The following TXNDC11 variants were observed in gnomAD, a reference collection of about 807,000 sequenced individuals.
The protein encoded by TXNDC11 is thioredoxin domain containing 11, also known as thioredoxin domain-containing protein 11.
TXNDC11 carries 68 observed loss-of-function variants against 78.0 expected under a neutral mutation model. That is an observed-to-expected ratio of 0.87 (90% CI 0.72 to 1.07). The LOEUF (loss-of-function observed/expected upper bound fraction) is 1.07. Among genes scored for constraint, TXNDC11 ranks in the 50% least tolerant of loss-of-function variants. The pLI is 0.00. For missense variants in TXNDC11, 1,389 were observed against 1,221.8 expected, an observed-to-expected ratio of 1.14 and a Z score of -2.04; for synonymous variants, 571 against 495.2, an observed-to-expected ratio of 1.15 and a Z score of -2.03.
At chr16:11,732,591 G>C (rs901099246) in intron 3 of TXNDC11, among the ~76,000 whole-genome samples, 2 of 152,158 alleles carry the variant, frequency 1.3e-5, no homozygotes. Flanking sequence ...TCTGAAAATG[G>C]TCTTAGTGGT....
chr16:11,683,768 T>C (rs948043925), intron 11 of TXNDC11, among the ~76,000 whole-genome samples: 16 of 151,166 alleles, frequency 1.1e-4, no homozygotes, highest in Non-Finnish European at 1.8e-4. Context: ...TTTTTTTTTT[T>C]TGAGGCAGAG....
chr16:11,712,922 C>T (rs9929276), intron 5 of TXNDC11, among the ~76,000 whole-genome samples: 70,512 of 147,400 alleles, frequency 0.48, 16,904 homozygotes, highest in Middle Eastern at 0.58. Flanking sequence ...ACCCCATTTC[C>T]ACTTAAAACA....
At chr16:11,732,344 A>AC (rs997395145) in intron 3 of TXNDC11, among the ~76,000 whole-genome samples, 25 of 152,018 alleles carry the variant, frequency 1.6e-4, no homozygotes, top group Admixed American at 5.2e-4. Context: ...AAAGGACTAC[A>AC]CCCCCCCACT....
At chr16:11,687,653 A>G (rs2050600481) in intron 10 of TXNDC11, among the ~76,000 whole-genome samples, 1 of 152,180 alleles carries the variant, frequency 6.6e-6, no homozygotes, top group African/African-American at 2.4e-5. Context: ...CATCAACATC[A>G]TGGAAGGAAC....
intron 4 of TXNDC11, among the ~76,000 whole-genome samples, chr16:11,729,317 G>T (rs1302086898): frequency 6.6e-6 from 1 of 152,182 alleles, no homozygotes; most frequent in Non-Finnish European, 1.5e-5. Flanking sequence ...CAGGGAAAAT[G>T]AGAGGCAGGC....
At chr16:11,714,730 A>C (rs556463451) in intron 5 of TXNDC11, among the ~76,000 whole-genome samples, 24 of 152,162 alleles carry the variant, frequency 1.6e-4, no homozygotes, top group Non-Finnish European at 2.5e-4. Flanking sequence ...GTACCGACTC[A>C]GTTCTACAAG....
At chr16:11,685,911 C>T (rs529622542) in intron 10 of TXNDC11, among the ~76,000 whole-genome samples, 8 of 152,222 alleles carry the variant, frequency 5.3e-5, no homozygotes, top group African/African-American at 1.4e-4. Context: ...TTCCATTGGG[C>T]TAAATAAGGC....
chr16:11,706,469 G>A (rs1231733612), intron 5 of TXNDC11, among the ~76,000 whole-genome samples: 1 of 152,206 alleles, frequency 6.6e-6, no homozygotes, highest in Non-Finnish European at 1.5e-5. Context: ...CATGGGCTGG[G>A]GAACCAGCAC....
rs529788632 is a variant in TXNDC11, at chr16:11,742,419, C to G, written c.254+58G>C. On this transcript the variant is annotated intron_variant, in intron 1 of 11. Coordinates refer to ENST00000283033, the MANE Select transcript of TXNDC11 (RefSeq NM_015914.7). ...CCGCTGCGACCCGGCCCTGCAGGCTCCAGGCGGCAGAGCAAGGGGAGCGCC... is the reference window on the plus strand; with the variant it reads ...CCGCTGCGACCCGGCCCTGCAGGCTGCAGGCGGCAGAGCAAGGGGAGCGCC... 62 of 1,308,062 alleles carry G rather than the reference C, an allele frequency of 4.7e-5. 1 individual carries two copies. The African/African-American group carries it at 9.5e-4, about 20-fold the overall frequency. 81.0% of individuals were successfully genotyped at this position (1,308,062 alleles called of 1,614,324 possible). A position where few individuals can be genotyped will look rare whatever the true frequency, so the allele number is the denominator to read the frequency against.
At chr16:11,700,379 C>G (rs76876224) in intron 6 of TXNDC11, 73 bp downstream of exon 6, 9,786 of 681,564 alleles carry the variant, frequency 0.014, 98 homozygotes, top group Non-Finnish European at 0.02. Context: ...TTAACCAATT[C>G]TCAAAGGAGT....
chr16:11,732,773 C>T (rs1187751139), intron 3 of TXNDC11, among the ~76,000 whole-genome samples: 1 of 152,080 alleles, frequency 6.6e-6, no homozygotes, highest in East Asian at 1.9e-4. Flanking sequence ...GTTACAGACA[C>T]GGAAATGGGA....
At chr16:11,712,277 A>C (rs1256165210) in intron 5 of TXNDC11, among the ~76,000 whole-genome samples, 8 of 152,204 alleles carry the variant, frequency 5.3e-5, no homozygotes, top group African/African-American at 1.9e-4. Flanking sequence ...CCTGAAGCCA[A>C]GGCACAAGTG....
At chr16:11,694,470 G>A (rs956641471) in intron 7 of TXNDC11, among the ~76,000 whole-genome samples, 4 of 150,776 alleles carry the variant, frequency 2.7e-5, no homozygotes, top group East Asian at 2.0e-4. Context: ...TTTTTGAGAC[G>A]GAGTTTTGCT....
At position 11,736,228 on chromosome 16, in the gene TXNDC11, G is replaced by C. The variant is rs780355336; in HGVS notation, c.260C>G (p.Ala87Gly). ...CTTTGCTGGTATTATCACATCTTTT[G>C]CTCGACTAAAAAAGAGCAAACACAG... is the stretch of plus-strand genomic sequence containing the variant. ...LLALKFTCSR[A>G]KDVIIPAKPP... Residue 87 changes from alanine to glycine, a missense_variant, in exon 2 of 12, where the codon GCA (alanine) becomes GGA (glycine). Physicochemically the swap from Ala to Gly is moderately conservative, Grantham distance 60. Coordinates refer to ENST00000283033, the MANE Select transcript of TXNDC11 (RefSeq NM_015914.7). The C allele has an allele frequency of 1.2e-6, 2 of 1,605,748 alleles. No homozygotes were observed. Among genetic ancestry groups the C allele is most frequent in the South Asian group, 1.1e-5 (1 of 90,206 alleles).
At chr16:11,718,586 G>A (rs2141081109) in intron 5 of TXNDC11, among the ~76,000 whole-genome samples, 1 of 152,128 alleles carries the variant, frequency 6.6e-6, no homozygotes, top group Middle Eastern at 3.4e-3. Flanking sequence ...GTAGAAGAAA[G>A]GGAGAAAAAC....
chr16:11,699,064 A>G (rs1231081275), intron 6 of TXNDC11, among the ~76,000 whole-genome samples: 5 of 152,244 alleles, frequency 3.3e-5, no homozygotes, highest in African/African-American at 1.2e-4. Flanking sequence ...GGGGTGCTTC[A>G]GAGGGTTCTG....
Position 11,736,130 on chromosome 16 carries a change from A to G in TXNDC11, c.358T>C (p.Tyr120His), listed in dbSNP as rs752320304. 1 of 1,614,136 alleles carries G rather than the reference A, an allele frequency of 6.2e-7. No individual in the cohort carries two copies. Among genetic ancestry groups the G allele is most frequent in the Admixed American group, 1.7e-5 (1 of 60,010 alleles). ...ACCACCTCTGAATCCCGTCGAACGT[A>G]CTCTGCATAATCCAGCTGCCCCTGG... is the stretch of plus-strand genomic sequence containing the variant. Reference protein sequence around the residue: ...LFQGQLDYAEYVRRDSEVVLL... With the variant: ...LFQGQLDYAEHVRRDSEVVLL... Residue 120 changes from tyrosine (Y) to histidine (H), a missense_variant, in exon 2 of 12, where the codon TAC (tyrosine) becomes CAC (histidine). Coordinates refer to ENST00000283033, the MANE Select transcript of TXNDC11 (RefSeq NM_015914.7).
Position 11,684,228 on chromosome 16 carries a change from T to G in TXNDC11, c.2171A>C (p.Asn724Thr). 6.2e-7 allele frequency: 1 copy of G among 1,613,478 alleles called. No individual in the cohort carries two copies. Among genetic ancestry groups the G allele is most frequent in the Non-Finnish European group, 8.5e-7 (1 of 1,179,532 alleles). ...FTVARIDVSQ[N>T]DLPWEFMVDR... The stretch of plus-strand genomic sequence containing the variant: ...GACCATAAATTCCCAAGGAAGGTCA[T>G]TCTGAGACACGTCAATCCTGGTAAA... The change falls in exon 11 of 12, where the codon AAT becomes ACT. Residue 724 changes from asparagine to threonine, a missense_variant. Asn to Thr is a moderately conservative substitution (Grantham distance 65). Coordinates refer to ENST00000283033, the MANE Select transcript of TXNDC11 (RefSeq NM_015914.7).
chr16:11,698,025 A>C, intron 7 of TXNDC11, 100 bp downstream of exon 7: 1 of 1,142,206 alleles, frequency 8.8e-7, no homozygotes. Context: ...CGTGGCAGCC[A>C]TTAGCTGCCA....
Sources: allele counts gnomAD v4.1 joint callset (sites outside exome capture counted in the v4.1 genomes callset), GRCh38; gene constraint gnomAD v4.1.1; transcripts MANE v1.5; gene names NCBI Gene and HGNC (gene_info 2026-07-23, HGNC 2026-07-21).